Variants in WDPCP observed in about 807,000 individuals in gnomAD.
The protein encoded by WDPCP is WD repeat containing planar cell polarity effector.
A neutral mutation model predicts 93.1 loss-of-function variants in WDPCP; 71 were observed. The observed-to-expected ratio is 0.76, with a 90% CI of 0.63 to 0.93. WDPCP has a LOEUF of 0.93. Ranked by LOEUF, WDPCP falls within the 40% of genes least tolerant of loss-of-function variation. The probability of loss-of-function intolerance (pLI) is 0.00; values close to 1 mark genes in which losing one functional copy is unlikely to be tolerated. For synonymous variants in WDPCP, 315 were observed against 315.0 expected (o/e 1.00, Z 0.00); for missense variants, 844 against 887.4 (o/e 0.95, Z 0.62).
upstream of WDPCP, chr2:63,589,484 A>T: frequency 1.7e-6 from 2 of 1,197,690 alleles, no homozygotes; most frequent in Non-Finnish European, 2.4e-6. Flanking sequence ...TGAAAGCAAA[A>T]AGCTGGAAAG....
intron 12 of WDPCP, among the ~76,000 whole-genome samples, chr2:63,316,295 T>C (rs1356540438): frequency 6.6e-6 from 1 of 151,910 alleles, no homozygotes; most frequent in East Asian, 1.9e-4. Context: ...AAAGAAACAA[T>C]GTATATCAGG....
chr2:63,674,688 A>G (rs925040849), intron 2 of WDPCP, among the ~76,000 whole-genome samples: 1 of 150,642 alleles, frequency 6.6e-6, no homozygotes, highest in Non-Finnish European at 1.5e-5. Flanking sequence ...GTTAAGGGGC[A>G]GATCTCATGT....
At chr2:63,165,014 A>T (rs1672866888) in intron 15 of WDPCP, among the ~76,000 whole-genome samples, 1 of 152,182 alleles carries the variant, frequency 6.6e-6, no homozygotes, top group Admixed American at 6.5e-5. Flanking sequence ...TGACTGATGT[A>T]AATCCTGACT....
chr2:63,748,985 A>C (rs967806542), intron 2 of WDPCP, among the ~76,000 whole-genome samples: 5 of 152,088 alleles, frequency 3.3e-5, no homozygotes, highest in Non-Finnish European at 7.4e-5. Flanking sequence ...GTTTCTGTGA[A>C]TTTGCGCTAC....
intron 1 of WDPCP, among the ~76,000 whole-genome samples, chr2:63,498,090 G>A (rs779252367): frequency 3.3e-5 from 5 of 151,992 alleles, no homozygotes; most frequent in Non-Finnish European, 7.4e-5. Flanking sequence ...ATAGCAAGTT[G>A]TCCAACTATT....
At chr2:63,704,557 A>G (rs554635761) in intron 2 of WDPCP, among the ~76,000 whole-genome samples, 35 of 152,272 alleles carry the variant, frequency 2.3e-4, no homozygotes, top group Middle Eastern at 6.8e-3. Context: ...TGAGATAATC[A>G]TGTGGTTTTT....
rs577171836 is a variant in WDPCP, at chr2:63,464,647, T to G, written c.384+19957A>C. On this transcript the variant is annotated intron_variant, in intron 6 of 17. Coordinates refer to ENST00000272321, the MANE Select transcript of WDPCP (RefSeq NM_015910.7). ...TGGAAGCAATCCAGATGTCCACTTA[T>G]GGATGAATGGAGAAAAAAAAATGTA... 2.6e-5 allele frequency among the ~76,000 whole-genome samples: 4 copies of G among 151,854 alleles called. No homozygotes were observed. The South Asian group carries it at 8.3e-4, about 32-fold the overall frequency.
At chr2:63,388,289 A>G (rs1692916922) in intron 10 of WDPCP, among the ~76,000 whole-genome samples, 1 of 152,138 alleles carries the variant, frequency 6.6e-6, no homozygotes, top group Non-Finnish European at 1.5e-5. Flanking sequence ...GCAAACTCCA[A>G]CAGCCCTGCA....
At chr2:63,578,715 G>A (rs1708281709) in intron 1 of WDPCP, among the ~76,000 whole-genome samples, 1 of 152,154 alleles carries the variant, frequency 6.6e-6, no homozygotes, top group Admixed American at 6.6e-5. Flanking sequence ...AAGAAAAGCA[G>A]AAAGATTTTA....
At chr2:63,748,299 A>G (rs1669828688) in intron 2 of WDPCP, among the ~76,000 whole-genome samples, 1 of 151,860 alleles carries the variant, frequency 6.6e-6, no homozygotes, top group South Asian at 2.1e-4. Context: ...TAGAAATGGG[A>G]ATCCTTGTTT....
chr2:63,572,001 G>A (rs1707541709), intron 1 of WDPCP, among the ~76,000 whole-genome samples: 1 of 152,084 alleles, frequency 6.6e-6, no homozygotes, highest in African/African-American at 2.4e-5. Context: ...ACCAACTCCA[G>A]TAAACTTTAA....
Position 63,330,954 on chromosome 2 carries a change from T to G in WDPCP, c.1749-17643A>C, listed in dbSNP as rs550443387. Among the ~76,000 whole-genome samples, 7 of 149,776 alleles carry G rather than the reference T, an allele frequency of 4.7e-5. No homozygotes were observed. In the East Asian group the frequency reaches 8.2e-4, roughly 18 times the overall value. On this transcript the variant is annotated intron_variant, in intron 12 of 17. Coordinates refer to ENST00000272321, the MANE Select transcript of WDPCP (RefSeq NM_015910.7). ...GGTACTATCATGGCTCACTGCAGCC[T>G]TGACCTCCCAGGTTCAAGGATCCTC...
At chr2:63,326,506 G>A (rs749583580) in intron 12 of WDPCP, among the ~76,000 whole-genome samples, 19 of 151,992 alleles carry the variant, frequency 1.3e-4, no homozygotes, top group Middle Eastern at 3.2e-3. Flanking sequence ...GGAAAGACCA[G>A]CAGAAAGGAA....
intron 2 of WDPCP, among the ~76,000 whole-genome samples, chr2:63,774,697 G>A (rs1203552001): frequency 1.3e-5 from 2 of 151,986 alleles, no homozygotes; most frequent in African/African-American, 4.8e-5. Context: ...CCTCCTAGTT[G>A]GCCAGCCTAG....
At chr2:63,808,318 T>TCTCCCCG (rs1396594162) in intron 2 of WDPCP, among the ~76,000 whole-genome samples, 1 of 93,494 alleles carries the variant, frequency 1.1e-5, no homozygotes, top group Non-Finnish European at 2.7e-5. Context: ...CCCCTCTCCC[T>TCTCCCCG]CTCCCCTCTC....
chr2:63,449,041 T>C (rs1169492055), intron 6 of WDPCP, among the ~76,000 whole-genome samples: 1 of 152,216 alleles, frequency 6.6e-6, no homozygotes, highest in Non-Finnish European at 1.5e-5. Flanking sequence ...GTATGTGAGA[T>C]GATGGATATG....
intron 1 of WDPCP, among the ~76,000 whole-genome samples, chr2:63,535,694 T>A (rs537410640): frequency 6.6e-6 from 1 of 152,068 alleles, no homozygotes. Flanking sequence ...TTCCTTACAC[T>A]TTATACAAAA....
chr2:63,839,543 G>C, the WDPCP span, among the ~76,000 whole-genome samples: 1 of 152,252 alleles, frequency 6.6e-6, no homozygotes, highest in Non-Finnish European at 1.5e-5. Flanking sequence ...GGGCGACAGA[G>C]CAAGACTCCG....
At chr2:63,698,730 G>C (rs527907257) in intron 2 of WDPCP, among the ~76,000 whole-genome samples, 1 of 152,164 alleles carries the variant, frequency 6.6e-6, no homozygotes, top group Non-Finnish European at 1.5e-5. Flanking sequence ...GGCCACAGAA[G>C]TTTACTCAGA....
Sources: gnomAD v4.1 joint callset for allele counts (sites outside exome capture counted in the v4.1 genomes callset) on GRCh38, gnomAD v4.1.1 for gene constraint, MANE v1.5 for transcripts, NCBI Gene and HGNC (gene_info 2026-07-23, HGNC 2026-07-21) for gene names.